SLC35F6: variants seen among roughly 807,000 people sequenced by gnomAD.
The protein encoded by SLC35F6 is ANT2-binding protein.
SLC35F6 carries 26 observed loss-of-function variants against 29.4 expected under a neutral mutation model. That is an observed-to-expected ratio of 0.89 (90% CI 0.65 to 1.23). The LOEUF is 1.23. Ranked by LOEUF, SLC35F6 falls within the 50% of genes most tolerant of loss-of-function variation. SLC35F6 has a pLI of 0.00. For missense variants in SLC35F6, 428 were observed against 487.8 expected (o/e 0.88, Z 1.15); for synonymous variants, 174 against 206.6 (o/e 0.84, Z 1.35).
intron 5 of SLC35F6, among the ~76,000 whole-genome samples, chr2:26,777,605 A>G (rs1388340511): frequency 1.3e-5 from 2 of 152,394 alleles, no homozygotes; most frequent in East Asian, 3.8e-4. Context: ...ACAGACCAGT[A>G]ACACACTGAA....
intron 1 of SLC35F6, among the ~76,000 whole-genome samples, chr2:26,772,223 GC>G (rs1183871012): frequency 6.6e-6 from 1 of 152,192 alleles, no homozygotes; most frequent in African/African-American, 2.4e-5. Context: ...ACAACCAGTG[GC>G]ACATGCTCTG....
At chr2:26,764,715 C>A in intron 1 of SLC35F6, 2 of 852,614 alleles carry the variant, frequency 2.3e-6, no homozygotes, top group Non-Finnish European at 2.8e-6. Context: ...ACGGCCCTTC[C>A]AGTGCTGGCG....
chr2:26,769,763 C>T (rs1036609965), intron 1 of SLC35F6, among the ~76,000 whole-genome samples: 9 of 152,158 alleles, frequency 5.9e-5, no homozygotes, highest in Admixed American at 4.6e-4. Flanking sequence ...GAGCTGGGGC[C>T]ACGCTGAACC....
At position 26,775,285 on chromosome 2, in the gene SLC35F6, C is replaced by T. The variant is rs561165328; in HGVS notation, c.322+70C>T. On this transcript the variant is annotated intron_variant, in intron 3 of 5. Coordinates refer to ENST00000344420, the MANE Select transcript of SLC35F6 (RefSeq NM_017877.4). The surrounding 1 kb of genome is among the most constrained non-coding windows in gnomAD (Gnocchi z 4.6). ...GCTGAAGGGGCTACTGGTGAAACAGCCCTATCCCACCCACCTCCACTTCAT... is the reference window on the plus strand; with the variant it reads ...GCTGAAGGGGCTACTGGTGAAACAGTCCTATCCCACCCACCTCCACTTCAT... 68 of 1,555,710 alleles carry T rather than the reference C, an allele frequency of 4.4e-5. No homozygotes were observed. The highest frequency in any genetic ancestry group is 5.9e-5 in the Non-Finnish European group (68 of 1,149,264).
chr2:26,775,610 G>T lies in SLC35F6; in HGVS notation c.469G>T (p.Val157Phe). Residue 157 changes from valine (V) to phenylalanine (F), a missense_variant, in exon 4 of 6, where the codon GTC becomes TTC. Transcript: ENST00000344420. This position sits in a 1 kb window ranked among gnomAD's most constrained non-coding sequence, Gnocchi z 4.6. Reference protein sequence around the residue: ...GILATIAGLVVVGLADLLSKH... With the variant: ...GILATIAGLVFVGLADLLSKH... ...CCTAGCCACCATCGCGGGGCTGGTG[G>T]TCGTGGGCCTGGCTGACCTCCTGAG... 1 of 1,606,320 alleles carries T rather than the reference G, an allele frequency of 6.2e-7. No individual in the cohort carries two copies.
chr2:26,774,980 A>G, intron 2 of SLC35F6, 64 bp from the exon 3 acceptor site: 1 of 1,499,376 alleles, frequency 6.7e-7, no homozygotes, highest in Non-Finnish European at 8.9e-7. Flanking sequence ...ATTAAAAAAA[A>G]TAGTTAAAGA....
Position 26,780,198 on chromosome 2 carries a change from GC to G in SLC35F6, c.*1690del. 1 of 152,086 alleles carries G rather than the reference GC, an allele frequency of 6.6e-6. No individual in the cohort carries two copies. 9.4% of individuals were successfully genotyped at this position (152,086 alleles called of 1,614,324 possible). On this transcript the variant is annotated 3_prime_UTR_variant, in exon 6 of 6. Coordinates refer to ENST00000344420, the MANE Select transcript of SLC35F6 (RefSeq NM_017877.4). ...AGAGATTACAGGGAAATTCCAGGCAGCCCTTGTCAATTGTTTTTATGAATTC... is the reference window on the plus strand; with the variant it reads ...AGAGATTACAGGGAAATTCCAGGCAGCCTTGTCAATTGTTTTTATGAATTC...
rs1664279574 is a variant in SLC35F6, at chr2:26,775,378, C to T, written c.323-86C>T. 16 of 1,539,858 alleles carry T rather than the reference C, an allele frequency of 1.0e-5. No homozygotes were observed. The South Asian group carries it at 1.2e-4, about 12-fold the overall frequency. On this transcript the variant is annotated intron_variant, in intron 3 of 5. Coordinates refer to ENST00000344420, the MANE Select transcript of SLC35F6 (RefSeq NM_017877.4). This position sits in a 1 kb window ranked among gnomAD's most constrained non-coding sequence, Gnocchi z 4.6. ...GGACTGATCGAGCGCTTACTATGAG[C>T]TTGGCATGTCTATCACCAAAGACCC...
In SLC35F6 at chr2:26,774,281, T is replaced by C. The variant is rs933980339; in HGVS notation, c.108T>C (p.Cys36=). 7 of 1,614,042 alleles carry C rather than the reference T, an allele frequency of 4.3e-6. No individual in the cohort carries two copies. In the Middle Eastern group the frequency reaches 4.9e-4, roughly 114 times the overall value. Residue 36 remains cysteine (C), a synonymous_variant, in exon 2 of 6, where the codon TGT becomes TGC. Transcript: ENST00000344420. ...CGGACAATTTCATGGCCGAGGGCTG[T>C]GGAGGGAGCAAGGAGCACAGCTTCC... ...KWADNFMAEG[C]GGSKEHSFQH...
intron 1 of SLC35F6, among the ~76,000 whole-genome samples, chr2:26,765,527 G>A (rs540109848): frequency 3.3e-5 from 5 of 152,204 alleles, no homozygotes; most frequent in Non-Finnish European, 5.9e-5. Context: ...ACGATCCCAT[G>A]TATAAGGTAC....
Position 26,764,414 on chromosome 2 carries a change from C to A in SLC35F6, c.65C>A (p.Thr22Lys), listed in dbSNP as rs756337501. 29 of 1,551,006 alleles carry A rather than the reference C, an allele frequency of 1.9e-5. No homozygotes were observed. Among genetic ancestry groups the A allele is most frequent in the Non-Finnish European group, 2.3e-5 (26 of 1,146,860 alleles). ...ATGCTTGTTACCGGCTCCATCAACA[C>A]GCTCTCGGCAAAGTGAGTCTGGGCC... ...GLMLVTGSINTLSAKWADNFM... is the reference protein window; with the variant it reads ...GLMLVTGSINKLSAKWADNFM... Residue 22 changes from threonine (T) to lysine (K), a missense_variant, in exon 1 of 6, where the codon ACG (threonine) becomes AAG (lysine). Transcript: ENST00000344420.
At chr2:26,765,049 A>G (rs1189545872) in intron 1 of SLC35F6, 2 of 973,510 alleles carry the variant, frequency 2.1e-6, no homozygotes, top group Non-Finnish European at 2.4e-6. Context: ...GGGGAATGAC[A>G]TGTTGAAAGT....
In SLC35F6 at chr2:26,778,668, A is replaced by C; in HGVS notation, c.*157A>C. ...AGCTGCTGCCACAGAAGATAACAAC[A>C]CCCAAGTCCTCTTTTTCTCACTACC... On this transcript the variant is annotated 3_prime_UTR_variant, in exon 6 of 6. Coordinates refer to ENST00000344420, the MANE Select transcript of SLC35F6 (RefSeq NM_017877.4). 1 of 680,586 alleles carries C rather than the reference A, an allele frequency of 1.5e-6. No homozygotes were observed. Among genetic ancestry groups the C allele is most frequent in the South Asian group, 2.1e-5 (1 of 46,762 alleles). 42.2% of individuals were successfully genotyped at this position (680,586 alleles called of 1,614,324 possible). A position where few individuals can be genotyped will look rare whatever the true frequency, so the allele number is the denominator to read the frequency against.
intron 1 of SLC35F6, among the ~76,000 whole-genome samples, chr2:26,769,852 G>A (rs1160455277): frequency 6.6e-6 from 1 of 152,196 alleles, no homozygotes; most frequent in Admixed American, 6.5e-5. Context: ...CCTGCCATGT[G>A]CCAGGTCATG....
intron 5 of SLC35F6, among the ~76,000 whole-genome samples, chr2:26,777,743 A>AGTGTGTGTGTGT (rs34163276): frequency 4.1e-4 from 61 of 150,348 alleles, no homozygotes; most frequent in African/African-American, 1.4e-3. Flanking sequence ...TGTTTTTATG[A>AGTGTGTGTGTGT]GTGTGTGTGT....
In SLC35F6 at chr2:26,775,400, A is replaced by T; in HGVS notation, c.323-64A>T. 6.4e-7 allele frequency: 1 copy of T among 1,569,062 alleles called. No homozygotes were observed. Among genetic ancestry groups the T allele is most frequent in the Non-Finnish European group, 8.7e-7 (1 of 1,154,308 alleles). On this transcript the variant is annotated intron_variant, in intron 3 of 5. Transcript: ENST00000344420. This position sits in a 1 kb window ranked among gnomAD's most constrained non-coding sequence, Gnocchi z 4.6. Reference sequence around the variant, plus strand: ...GAGCTTGGCATGTCTATCACCAAAGACCCCTTAGTGACAGATGGCCTTCGC... The same window carrying T: ...GAGCTTGGCATGTCTATCACCAAAGTCCCCTTAGTGACAGATGGCCTTCGC...
Position 26,766,665 on chromosome 2 carries a change from T to G in SLC35F6, c.77+2239T>G, listed in dbSNP as rs147290824. 3.3e-5 allele frequency among the ~76,000 whole-genome samples: 5 copies of G among 152,236 alleles called. No homozygotes were observed. The East Asian group carries it at 9.7e-4, about 29-fold the overall frequency. On this transcript the variant is annotated intron_variant, in intron 1 of 5. Coordinates refer to ENST00000344420, the MANE Select transcript of SLC35F6 (RefSeq NM_017877.4). The stretch of plus-strand genomic sequence containing the variant: ...TCCAGCAGGCACAGACAGACAAGCA[T>G]GTGCTGACAACTAGCAGAAGCATCT...
At chr2:26,773,018 T>C (rs1664225016) in intron 1 of SLC35F6, among the ~76,000 whole-genome samples, 1 of 152,122 alleles carries the variant, frequency 6.6e-6, no homozygotes, top group South Asian at 2.1e-4. Flanking sequence ...AAGTCAGCAT[T>C]AGAAAGATCT....
At chr2:26,774,948 C>A in intron 2 of SLC35F6, 96 bp from the exon 3 acceptor site, 1 of 1,391,254 alleles carries the variant, frequency 7.2e-7, no homozygotes, top group Non-Finnish European at 9.6e-7. Context: ...TCTGGGTAAG[C>A]TCTTGTTTGA....
Sources: allele counts gnomAD v4.1 joint callset (sites outside exome capture counted in the v4.1 genomes callset), GRCh38; gene constraint gnomAD v4.1.1; non-coding constraint Gnocchi (gnomAD v3.1); transcripts MANE v1.5; gene names NCBI Gene and HGNC (gene_info 2026-07-23, HGNC 2026-07-21).